The following PTPRT variants were observed in gnomAD, a reference collection of about 807,000 sequenced individuals.
PTPRT encodes receptor-type tyrosine-protein phosphatase T.
A neutral mutation model predicts 176.8 loss-of-function variants in PTPRT; 56 were observed. The observed-to-expected ratio is 0.32, with a 90% confidence interval of 0.26 to 0.40. PTPRT has a LOEUF of 0.40. Among genes scored for constraint, PTPRT ranks in the 10% least tolerant of loss-of-function variants. PTPRT has a pLI of 1.00. For synonymous variants in PTPRT, 783 were observed against 739.0 expected (o/e 1.06, Z -0.96); for missense variants, 1,540 against 1,908.2 (o/e 0.81, Z 3.60).
intron 2 of PTPRT, among the ~76,000 whole-genome samples, chr20:42,849,272 G>A (rs1211868299): frequency 6.6e-6 from 1 of 152,188 alleles, no homozygotes; most frequent in Non-Finnish European, 1.5e-5. Context: ...ATTTTAGGAA[G>A]TCCCACTTTC....
In PTPRT at chr20:42,496,150, C is replaced by T. The variant is rs191508566; in HGVS notation, c.1154-23588G>A. On this transcript the variant is annotated intron_variant, in intron 7 of 30. Transcript: ENST00000373187. ...TAAAGCTCTTCATTTTCATTGTCTT[C>T]CTATTGACTGGCCTGAGGAAGAGGA... Among the ~76,000 whole-genome samples the T allele has an allele frequency of 2.6e-3, 400 of 152,070 alleles. 2 individuals carry two copies. Among genetic ancestry groups the T allele is most frequent in the African/African-American group, 8.7e-3 (363 of 41,488 alleles).
At chr20:43,117,645 T>C (rs368193774) in intron 1 of PTPRT, among the ~76,000 whole-genome samples, 2 of 152,054 alleles carry the variant, frequency 1.3e-5, no homozygotes, top group Admixed American at 6.6e-5. Flanking sequence ...GTCCAAGGGA[T>C]TGTGGCCCAG....
intron 7 of PTPRT, among the ~76,000 whole-genome samples, chr20:42,480,715 A>T (rs2071370346): frequency 6.6e-6 from 1 of 152,194 alleles, no homozygotes; most frequent in Non-Finnish European, 1.5e-5. Flanking sequence ...AGCTAAGCCA[A>T]TTTGATGATG....
intron 1 of PTPRT, among the ~76,000 whole-genome samples, chr20:43,174,303 G>A (rs2015074948): frequency 6.6e-6 from 1 of 152,146 alleles, no homozygotes; most frequent in African/African-American, 2.4e-5. Flanking sequence ...CCTCAGTTTT[G>A]ATGATCATTA....
intron 1 of PTPRT, among the ~76,000 whole-genome samples, chr20:43,024,589 CAAA>C (rs34972558): frequency 7.4e-5 from 6 of 81,394 alleles, no homozygotes; most frequent in African/African-American, 7.9e-5. Flanking sequence ...GACTCCATCT[CAAA>C]AAAAAAAAAA....
intron 7 of PTPRT, among the ~76,000 whole-genome samples, chr20:42,659,207 A>C (rs1037801872): frequency 6.6e-6 from 1 of 151,948 alleles, no homozygotes; most frequent in African/African-American, 2.4e-5. Context: ...TCTAACTCTC[A>C]AAAAAAACAT....
At chr20:42,471,292 T>C (rs1021281604) in intron 8 of PTPRT, among the ~76,000 whole-genome samples, 1 of 152,184 alleles carries the variant, frequency 6.6e-6, no homozygotes, top group Non-Finnish European at 1.5e-5. Flanking sequence ...TTGATATAGT[T>C]TGGGTATTTG....
At chr20:42,689,514 C>T (rs2075757344) in intron 6 of PTPRT, among the ~76,000 whole-genome samples, 1 of 152,154 alleles carries the variant, frequency 6.6e-6, no homozygotes, top group African/African-American at 2.4e-5. Flanking sequence ...AAGGAGTGAG[C>T]CACACCCGTT....
intron 1 of PTPRT, among the ~76,000 whole-genome samples, chr20:43,056,085 G>C (rs1026036552): frequency 1.3e-5 from 2 of 152,094 alleles, no homozygotes; most frequent in African/African-American, 4.8e-5. Context: ...ATTTGTCTTG[G>C]ATGAACAAGA....
At chr20:42,182,367 GA>G (rs1238061038) in intron 16 of PTPRT, among the ~76,000 whole-genome samples, 12 of 152,326 alleles carry the variant, frequency 7.9e-5, no homozygotes, top group African/African-American at 2.9e-4. Context: ...TACTTCTGCT[GA>G]TGGATCAATA....
At chr20:43,033,301 C>T (rs930278883) in intron 1 of PTPRT, among the ~76,000 whole-genome samples, 2 of 152,156 alleles carry the variant, frequency 1.3e-5, no homozygotes, top group Admixed American at 6.5e-5. Flanking sequence ...GCTTTAATAC[C>T]TCTCTCCCTG....
intron 7 of PTPRT, among the ~76,000 whole-genome samples, chr20:42,518,644 C>T (rs6016815): frequency 8.3e-4 from 126 of 151,970 alleles, no homozygotes; most frequent in African/African-American, 2.9e-3. Flanking sequence ...TGCGCACGTG[C>T]GTGAGTATGT....
chr20:42,259,963 C>T (rs927747570), intron 13 of PTPRT, among the ~76,000 whole-genome samples: 1 of 152,224 alleles, frequency 6.6e-6, no homozygotes, highest in Non-Finnish European at 1.5e-5. Flanking sequence ...TGGACATTGC[C>T]TAACCTGAGT....
At chr20:43,151,799 G>A (rs1378670530) in intron 1 of PTPRT, among the ~76,000 whole-genome samples, 2 of 151,798 alleles carry the variant, frequency 1.3e-5, no homozygotes, top group East Asian at 3.9e-4. Context: ...GGAGGCAGAG[G>A]TTGCAGTGAG....
At chr20:42,889,023 G>A (rs902298244) in intron 1 of PTPRT, among the ~76,000 whole-genome samples, 3 of 152,144 alleles carry the variant, frequency 2.0e-5, no homozygotes, top group Non-Finnish European at 4.4e-5. Flanking sequence ...CCAGGTTACA[G>A]ATCCCAGGCA....
chr20:42,364,300 G>T (rs901836864), intron 9 of PTPRT, among the ~76,000 whole-genome samples: 2 of 152,056 alleles, frequency 1.3e-5, no homozygotes, highest in Non-Finnish European at 2.9e-5. Flanking sequence ...CTTTCATTCA[G>T]CATTTTTCTC....
the PTPRT span, among the ~76,000 whole-genome samples, chr20:42,040,962 T>C: frequency 0.048 from 7,241 of 152,282 alleles, 597 homozygotes; most frequent in African/African-American, 0.17. Flanking sequence ...AGGTTTTCTG[T>C]CTGACACTAG....
In PTPRT at chr20:42,757,681, T is replaced by C. The variant is rs1424995442; in HGVS notation, c.685-1045A>G. Among the ~76,000 whole-genome samples, 5 of 152,246 alleles carry C rather than the reference T, an allele frequency of 3.3e-5. No individual in the cohort carries two copies. The East Asian group carries it at 7.7e-4, about 23-fold the overall frequency. ...TTTACACTGAAGGACTTTCCTCTGT[T>C]CATCTTTAGAAGCTTGTCTGAAAGC... On this transcript the variant is annotated intron_variant, in intron 5 of 30. Coordinates refer to ENST00000373187, the MANE Select transcript of PTPRT (RefSeq NM_007050.6).
chr20:42,156,044 C>T (rs1354611370), intron 17 of PTPRT, among the ~76,000 whole-genome samples: 1 of 152,176 alleles, frequency 6.6e-6, no homozygotes, highest in Non-Finnish European at 1.5e-5. Context: ...TTTCTGGTTC[C>T]CCTCACTCAA....
Sources: gnomAD v4.1 joint callset for allele counts (sites outside exome capture counted in the v4.1 genomes callset) on GRCh38, gnomAD v4.1.1 for gene constraint, MANE v1.5 for transcripts, NCBI Gene and HGNC (gene_info 2026-07-23, HGNC 2026-07-21) for gene names.